The following KIRREL3 variants were observed in gnomAD, a reference collection of about 807,000 sequenced individuals.
The protein encoded by KIRREL3 is kin of IRRE-like protein 3.
In KIRREL3, 36 loss-of-function variants were observed where a neutral mutation model predicts 89.7. That is an observed-to-expected ratio of 0.40 (90% CI 0.31 to 0.53). KIRREL3 has a LOEUF of 0.53. Ranked by LOEUF, KIRREL3 falls within the 20% of genes least tolerant of loss-of-function variation. KIRREL3 has a pLI of 0.49. For missense variants in KIRREL3, 864 were observed against 1,056.6 expected (o/e 0.82, Z 2.53); for synonymous variants, 445 against 441.4 (o/e 1.01, Z -0.10).
intron 1 of KIRREL3, among the ~76,000 whole-genome samples, chr11:126,937,455 G>A (rs538188282): frequency 1.9e-4 from 29 of 152,268 alleles, no homozygotes; most frequent in African/African-American, 6.3e-4. Flanking sequence ...GACAGGCCCC[G>A]TCATTATCGC....
At chr11:126,510,449 C>CTTCCTTCT (rs1958182847) in intron 4 of KIRREL3, among the ~76,000 whole-genome samples, 1 of 148,098 alleles carries the variant, frequency 6.8e-6, no homozygotes, top group African/African-American at 2.5e-5. Flanking sequence ...TCCTTCCTTC[C>CTTCCTTCT]TTCCTTCCTT....
At position 126,912,268 on chromosome 11, in the gene KIRREL3, T is replaced by C. The variant is rs1946855246; in HGVS notation, c.55+88187A>G. On this transcript the variant is annotated intron_variant, in intron 1 of 16. Transcript: ENST00000525144. The surrounding 1 kb of genome is among the most constrained non-coding windows in gnomAD (Gnocchi z 4.7). ...AGATACCCTTCACCTTCAAGCAGGC[T>C]AAACCGGCCGAGAGTGGCTCTGAGG... Among the ~76,000 whole-genome samples, 1 of 152,134 alleles carries C rather than the reference T, an allele frequency of 6.6e-6. No homozygotes were observed. The highest frequency in any genetic ancestry group is 2.4e-5 in the African/African-American group (1 of 41,416).
In KIRREL3 at chr11:126,689,041, G is replaced by GAAGA; in HGVS notation, c.56-126133_56-126130dup. Among the ~76,000 whole-genome samples the GAAGA allele has an allele frequency of 7.7e-6, 1 of 129,496 alleles. No homozygotes were observed. Among genetic ancestry groups the GAAGA allele is most frequent in the South Asian group, 2.5e-4 (1 of 3,962 alleles). The allele number at this position is 129,496 out of a possible 152,430, so 85.0% of individuals were successfully genotyped here. A position where few individuals can be genotyped will look rare whatever the true frequency, so the allele number is the denominator to read the frequency against. ...TATGTGTGTGTGTGTAAGGGGGAGAGAAGAGAGAGAGAGAGAGAGAGAGAG... is the reference window on the plus strand; with the variant it reads ...TATGTGTGTGTGTGTAAGGGGGAGAGAAGAAAGAGAGAGAGAGAGAGAGAGAGAG... On this transcript the variant is annotated intron_variant, in intron 1 of 16. Transcript: ENST00000525144. The surrounding 1 kb of genome is among the most constrained non-coding windows in gnomAD (Gnocchi z 5.2).
At position 126,802,110 on chromosome 11, in the gene KIRREL3, T is replaced by C. The variant is rs370407523; in HGVS notation, c.55+198345A>G. On this transcript the variant is annotated intron_variant, in intron 1 of 16. Transcript: ENST00000525144. This position sits in a 1 kb window ranked among gnomAD's most constrained non-coding sequence, Gnocchi z 5.2. The stretch of plus-strand genomic sequence containing the variant: ...CTGTGAGGAAGAATGGCCAGGACAG[T>C]AGACATTCAGAAATTCAGTTTTAAT... Among the ~76,000 whole-genome samples, 1 of 152,270 alleles carries C rather than the reference T, an allele frequency of 6.6e-6. No homozygotes were observed. Among genetic ancestry groups the C allele is most frequent in the African/African-American group, 2.4e-5 (1 of 41,550 alleles).
intron 1 of KIRREL3, among the ~76,000 whole-genome samples, chr11:126,888,920 G>A (rs1460012221): frequency 6.6e-6 from 1 of 152,180 alleles, no homozygotes; most frequent in Non-Finnish European, 1.5e-5. Flanking sequence ...TATGGGGTGG[G>A]CAGGGAAGGC....
At position 126,609,615 on chromosome 11, in the gene KIRREL3, C is replaced by G. The variant is rs549071917; in HGVS notation, c.56-46703G>C. Among the ~76,000 whole-genome samples the G allele has an allele frequency of 6.6e-5, 10 of 152,288 alleles. No individual in the cohort carries two copies. Among genetic ancestry groups the G allele is most frequent in the Admixed American group, 2.6e-4 (4 of 15,308 alleles). ...TCTGGGGGGACCTCCGATGCATGCT[C>G]ACTTGTATAAAATCTAACTGGAACT... On this transcript the variant is annotated intron_variant, in intron 1 of 16. Transcript: ENST00000525144. This position sits in a 1 kb window ranked among gnomAD's most constrained non-coding sequence, Gnocchi z 5.0.
At chr11:126,733,901 C>T (rs1948716078) in intron 1 of KIRREL3, among the ~76,000 whole-genome samples, 2 of 152,234 alleles carry the variant, frequency 1.3e-5, no homozygotes, top group African/African-American at 4.8e-5. Flanking sequence ...AATAAAACAG[C>T]AGACAGCTGC....
rs1431015764 is a variant in KIRREL3, at chr11:126,640,707, A to G, written c.56-77795T>C. Among the ~76,000 whole-genome samples the G allele has an allele frequency of 2.0e-5, 3 of 151,878 alleles. No homozygotes were observed. The highest frequency in any genetic ancestry group is 7.3e-5 in the African/African-American group (3 of 41,340). ...TTCTGAATCTGGAATGAACCATGGG[A>G]CCCTTGGGTTGAAGACTATGCCTAA... On this transcript the variant is annotated intron_variant, in intron 1 of 16. Coordinates refer to ENST00000525144, the MANE Select transcript of KIRREL3 (RefSeq NM_032531.4). This position sits in a 1 kb window ranked among gnomAD's most constrained non-coding sequence, Gnocchi z 4.9.
intron 1 of KIRREL3, among the ~76,000 whole-genome samples, chr11:126,855,561 T>A (rs1211995617): frequency 6.6e-6 from 1 of 152,256 alleles, no homozygotes; most frequent in African/African-American, 2.4e-5. Flanking sequence ...TCAAATTTGC[T>A]GTTCTTCCAC....
rs182432289 is a variant in KIRREL3 at position 126,727,694 on chromosome 11, C to T, written c.56-164782G>A. 4.6e-3 allele frequency among the ~76,000 whole-genome samples: 697 copies of T among 152,292 alleles called. 4 individuals carry two copies. The highest frequency in any genetic ancestry group is 0.015 in the African/African-American group (616 of 41,574). On this transcript the variant is annotated intron_variant, in intron 1 of 16. Transcript: ENST00000525144. ...TGCCTGCCTCACAAAGTGGAGAATT[C>T]GATTTTCTTCCCAAAGAAAATCAGA...
At chr11:126,673,237 C>G (rs777380589) in intron 1 of KIRREL3, among the ~76,000 whole-genome samples, 1 of 152,200 alleles carries the variant, frequency 6.6e-6, no homozygotes, top group Admixed American at 6.5e-5. Context: ...ACACTTGGCT[C>G]GAAAGAGCGG....
In KIRREL3 at chr11:126,620,601, T is replaced by C. The variant is rs1159459008; in HGVS notation, c.56-57689A>G. On this transcript the variant is annotated intron_variant, in intron 1 of 16. Transcript: ENST00000525144. This position sits in a 1 kb window ranked among gnomAD's most constrained non-coding sequence, Gnocchi z 4.8. Reference sequence around the variant, plus strand: ...CATTAAAGTCTCAAGCAGAGCCTCCTCCTTGAGAACCACTGCCCTAGGAAG... The same window carrying C: ...CATTAAAGTCTCAAGCAGAGCCTCCCCCTTGAGAACCACTGCCCTAGGAAG... 6.6e-6 allele frequency among the ~76,000 whole-genome samples: 1 copy of C among 152,154 alleles called. No individual in the cohort carries two copies. The highest frequency in any genetic ancestry group is 1.9e-4 in the East Asian group (1 of 5,190).
chr11:126,474,096 C>A lies in KIRREL3; in HGVS notation c.434-630G>T, dbSNP rs1693610556. Among the ~76,000 whole-genome samples the A allele has an allele frequency of 1.3e-5, 2 of 151,832 alleles. No individual in the cohort carries two copies. Among genetic ancestry groups the A allele is most frequent in the Admixed American group, 1.3e-4 (2 of 15,238 alleles). On this transcript the variant is annotated intron_variant, in intron 4 of 16. Transcript: ENST00000525144. The surrounding 1 kb of genome is among the most constrained non-coding windows in gnomAD (Gnocchi z 6.7). ...AGGATTACAGGCCTGAGCCACCATG[C>A]CCGGCCAACACCTGGTTAATTTTTG...
intron 1 of KIRREL3, among the ~76,000 whole-genome samples, chr11:126,842,118 A>G (rs1943982897): frequency 6.6e-6 from 1 of 151,956 alleles, no homozygotes; most frequent in Admixed American, 6.6e-5. Flanking sequence ...GGAGGTGGTG[A>G]GGAGGGAAGG....
intron 1 of KIRREL3, among the ~76,000 whole-genome samples, chr11:126,810,124 G>A (rs2134419933): frequency 6.6e-6 from 1 of 152,246 alleles, no homozygotes; most frequent in Non-Finnish European, 1.5e-5. Context: ...ATGGGGAGGG[G>A]GAGTGCTGTC....
rs558628356 is a variant in KIRREL3, at chr11:126,529,129, T to C, written c.134-2442A>G. On this transcript the variant is annotated intron_variant, in intron 2 of 16. Transcript: ENST00000525144. Reference sequence around the variant, plus strand: ...CACCCACAGTGGGTAACCGTCCCGGTCTCTCCCCGTCCTGTGTCCTCTTGG... The same window carrying C: ...CACCCACAGTGGGTAACCGTCCCGGCCTCTCCCCGTCCTGTGTCCTCTTGG... Among the ~76,000 whole-genome samples, 574 of 152,160 alleles carry C rather than the reference T, an allele frequency of 3.8e-3. 2 individuals carry two copies. Among genetic ancestry groups the C allele is most frequent in the African/African-American group, 0.013 (556 of 41,504 alleles).
At chr11:126,975,111 C>T (rs2135228000) in intron 1 of KIRREL3, among the ~76,000 whole-genome samples, 1 of 152,114 alleles carries the variant, frequency 6.6e-6, no homozygotes, top group Admixed American at 6.5e-5. Context: ...CGCCTGGCCT[C>T]AAAACACTAT....
Position 126,652,855 on chromosome 11 carries a change from A to T in KIRREL3, c.56-89943T>A, listed in dbSNP as rs1944960792. On this transcript the variant is annotated intron_variant, in intron 1 of 16. Coordinates refer to ENST00000525144, the MANE Select transcript of KIRREL3 (RefSeq NM_032531.4). This position sits in a 1 kb window ranked among gnomAD's most constrained non-coding sequence, Gnocchi z 4.9. ...TCCGTGAACCAACAACAAAAGGACC[A>T]GCCACCTCACTGGTCCTCTGTTGCC... The T allele has an allele frequency of 6.6e-6, 1 of 152,346 alleles. No homozygotes were observed. The highest frequency in any genetic ancestry group is 2.1e-4 in the South Asian group (1 of 4,830). 9.4% of individuals were successfully genotyped at this position (152,346 alleles called of 1,614,324 possible). A position where few individuals can be genotyped will look rare whatever the true frequency, so the allele number is the denominator to read the frequency against.
In KIRREL3 at chr11:126,987,107, G is replaced by A. The variant is rs917675094; in HGVS notation, c.55+13348C>T. ...AGAACCACGGTGATAGAGAATCTAC[G>A]AACTCAGATAACCCAGGAACCATAG... is the stretch of plus-strand genomic sequence containing the variant. On this transcript the variant is annotated intron_variant, in intron 1 of 16. Transcript: ENST00000525144. The surrounding 1 kb of genome is among the most constrained non-coding windows in gnomAD (Gnocchi z 4.6). 6.6e-6 allele frequency among the ~76,000 whole-genome samples: 1 copy of A among 152,136 alleles called. No individual in the cohort carries two copies. The highest frequency in any genetic ancestry group is 1.5e-5 in the Non-Finnish European group (1 of 68,030).
Sources: gnomAD v4.1 joint callset for allele counts (sites outside exome capture counted in the v4.1 genomes callset) on GRCh38, gnomAD v4.1.1 for gene constraint, Gnocchi (gnomAD v3.1) non-coding constraint, MANE v1.5 for transcripts, NCBI Gene and HGNC (gene_info 2026-07-23, HGNC 2026-07-21) for gene names.